Variants in COPG2 observed in about 807,000 individuals in gnomAD.
COPG2 encodes the protein coatomer subunit gamma-2.
COPG2 carries 37 observed loss-of-function variants against 46.3 expected under a neutral mutation model. The observed-to-expected ratio is 0.80, with a 90% CI of 0.61 to 1.05. The LOEUF is 1.05. Ranked by LOEUF, COPG2 falls within the 50% of genes least tolerant of loss-of-function variation. The pLI is 0.00. For synonymous variants in COPG2, 159 were observed against 129.7 expected (o/e 1.23, Z -1.53); for missense variants, 427 against 387.8 (o/e 1.10, Z -0.85).
chr7:130,623,960 T>A, intron 5 of COPG2, among the ~76,000 whole-genome samples: 1 of 152,174 alleles, frequency 6.6e-6, no homozygotes, highest in East Asian at 1.9e-4. Flanking sequence ...ACTAGGTTTC[T>A]TATAAACAAT....
At chr7:130,540,971 G>C (rs1325392408) in intron 20 of COPG2, among the ~76,000 whole-genome samples, 2 of 152,154 alleles carry the variant, frequency 1.3e-5, no homozygotes, top group Non-Finnish European at 2.9e-5. Context: ...AAGCCCAAAA[G>C]ATGCTTCTGA....
At chr7:130,571,272 G>T (rs1436715316) in intron 9 of COPG2, among the ~76,000 whole-genome samples, 3 of 152,184 alleles carry the variant, frequency 2.0e-5, no homozygotes, top group African/African-American at 7.2e-5. Context: ...CACAGAGTGG[G>T]AGAAAAGCTT....
At chr7:130,618,814 TTCC>T (rs1185903163) in intron 5 of COPG2, among the ~76,000 whole-genome samples, 3 of 152,168 alleles carry the variant, frequency 2.0e-5, no homozygotes, top group African/African-American at 7.2e-5. Flanking sequence ...TTCATGACAG[TTCC>T]TCCTCATTTT....
In COPG2 at chr7:130,527,453, C is replaced by G. The variant is rs1224334297; in HGVS notation, c.2150-18794G>C. Among the ~76,000 whole-genome samples, 3 of 116,890 alleles carry G rather than the reference C, an allele frequency of 2.6e-5. No homozygotes were observed. The East Asian group carries it at 7.4e-4, about 29-fold the overall frequency. 76.7% of individuals were successfully genotyped at this position (116,890 alleles called of 152,430 possible). ...GGCTGTCCACAGCAGTGATTCTTATCTGGGGTGGGGGGTGGGTTTCACCCG... is the reference window on the plus strand; with the variant it reads ...GGCTGTCCACAGCAGTGATTCTTATGTGGGGTGGGGGGTGGGTTTCACCCG... On this transcript the variant is annotated intron_variant, in intron 20 of 23. Coordinates refer to ENST00000425248, the MANE Select transcript of COPG2 (RefSeq NM_012133.6).
In COPG2 at chr7:130,558,520, T is replaced by C. The variant is rs1793667039; in HGVS notation, c.1128+2513A>G. ...TTACACAGTCTCAGGTGTTTCTTTA[T>C]AGTAGTGTGACAACATACTAATACA... On this transcript the variant is annotated intron_variant, in intron 12 of 23. Coordinates refer to ENST00000425248, the MANE Select transcript of COPG2 (RefSeq NM_012133.6). Among the ~76,000 whole-genome samples, 4 of 152,338 alleles carry C rather than the reference T, an allele frequency of 2.6e-5. 1 individual carries two copies. The highest frequency in any genetic ancestry group is 4.2e-4 in the South Asian group (2 of 4,818).
At chr7:130,523,838 T>C (rs1799749361) in intron 20 of COPG2, among the ~76,000 whole-genome samples, 1 of 151,274 alleles carries the variant, frequency 6.6e-6, no homozygotes, top group Non-Finnish European at 1.5e-5. Flanking sequence ...AAGACATCGG[T>C]GCTAAGGAGG....
chr7:130,589,872 C>A (rs1300153188), intron 9 of COPG2, among the ~76,000 whole-genome samples: 3 of 152,114 alleles, frequency 2.0e-5, no homozygotes, highest in Admixed American at 6.5e-5. Flanking sequence ...TATCTTTTCT[C>A]CTGATTTGTA....
At chr7:130,574,871 T>A (rs182630892) in intron 9 of COPG2, among the ~76,000 whole-genome samples, 13 of 151,934 alleles carry the variant, frequency 8.6e-5, no homozygotes, top group Admixed American at 2.0e-4. Flanking sequence ...AATCAAAAAT[T>A]CAGGAAGCAC....
intron 5 of COPG2, among the ~76,000 whole-genome samples, chr7:130,646,298 G>A (rs1795593508): frequency 6.6e-6 from 1 of 152,160 alleles, no homozygotes; most frequent in Non-Finnish European, 1.5e-5. Flanking sequence ...AGGGCTTCAT[G>A]GTTAACATTG....
At chr7:130,597,885 T>G (rs899378421) in intron 9 of COPG2, among the ~76,000 whole-genome samples, 2 of 152,178 alleles carry the variant, frequency 1.3e-5, no homozygotes, top group African/African-American at 4.8e-5. Flanking sequence ...GAAATTGGCT[T>G]TGGGATCCCA....
chr7:130,630,338 T>C (rs553118519), intron 5 of COPG2, among the ~76,000 whole-genome samples: 104 of 152,256 alleles, frequency 6.8e-4, no homozygotes, highest in Non-Finnish European at 9.6e-4. Flanking sequence ...ACAGGATTAA[T>C]TGCAACTTAC....
At chr7:130,514,644 C>T (rs36140813) in intron 20 of COPG2, among the ~76,000 whole-genome samples, 26,302 of 151,948 alleles carry the variant, frequency 0.17, 3,104 homozygotes, top group Non-Finnish European at 0.25. Context: ...AGATAGGTAA[C>T]AAGGAGAAAA....
At chr7:130,609,162 T>C (rs544444057) in intron 9 of COPG2, among the ~76,000 whole-genome samples, 2 of 152,258 alleles carry the variant, frequency 1.3e-5, no homozygotes, top group East Asian at 3.9e-4. Flanking sequence ...ATTACAGCCA[T>C]GAGCCACCGC....
chr7:130,630,602 T>C (rs1314911755), intron 5 of COPG2, among the ~76,000 whole-genome samples: 1 of 152,242 alleles, frequency 6.6e-6, no homozygotes, highest in Admixed American at 6.5e-5. Context: ...TGTGGATCTG[T>C]TGATTTCTCC....
intron 20 of COPG2, among the ~76,000 whole-genome samples, chr7:130,522,648 G>A (rs1799733518): frequency 6.6e-6 from 1 of 152,032 alleles, no homozygotes; most frequent in East Asian, 1.9e-4. Context: ...GGAAGAAAAG[G>A]AAATGTGCAG....
chr7:130,591,569 G>A (rs1794425050), intron 9 of COPG2, among the ~76,000 whole-genome samples: 2 of 136,546 alleles, frequency 1.5e-5, no homozygotes, highest in Non-Finnish European at 3.2e-5. Flanking sequence ...GAGCCCCTCT[G>A]CCCGGCCAGC....
At chr7:130,603,839 G>T (rs371696838) in intron 9 of COPG2, 16 of 518,690 alleles carry the variant, frequency 3.1e-5, no homozygotes, top group Non-Finnish European at 5.8e-5. Flanking sequence ...CCATGTAGCT[G>T]CAAATTCACA....
chr7:130,658,254 A>G (rs1554460157), intron 4 of COPG2, among the ~76,000 whole-genome samples: 2 of 152,222 alleles, frequency 1.3e-5, no homozygotes, highest in African/African-American at 4.8e-5. Flanking sequence ...TGAATCTCAC[A>G]TGCATTATGC....
intron 9 of COPG2, among the ~76,000 whole-genome samples, chr7:130,603,383 T>C (rs566745710): frequency 1.1e-4 from 17 of 152,338 alleles, no homozygotes; most frequent in African/African-American, 3.8e-4. Context: ...TATACCACAA[T>C]TTATTTTTTG....
Sources: allele counts gnomAD v4.1 joint callset (sites outside exome capture counted in the v4.1 genomes callset), GRCh38; gene constraint gnomAD v4.1.1; transcripts MANE v1.5; gene names NCBI Gene and HGNC (gene_info 2026-07-23, HGNC 2026-07-21).